BRD3: variants seen among roughly 807,000 people sequenced by gnomAD.
The protein encoded by BRD3 is bromodomain-containing protein 3.
In BRD3, 17 loss-of-function variants were observed where a neutral mutation model predicts 66.8. The ratio of observed to expected loss-of-function variants is 0.25; its 90% CI spans 0.17 to 0.38. The LOEUF (loss-of-function observed/expected upper bound fraction) is 0.38. BRD3 is among the 10% of genes least tolerant of loss of function. BRD3 has a pLI of 1.00. For synonymous variants in BRD3, 421 were observed against 393.2 expected (o/e 1.07, Z -0.84); for missense variants, 713 against 956.1 (o/e 0.75, Z 3.35).
intron 8 of BRD3, 89 bp from the exon 9 acceptor site, chr9:134,040,358 G>A (rs1315136481): frequency 6.9e-7 from 1 of 1,443,018 alleles, no homozygotes; most frequent in Admixed American, 2.1e-5. Flanking sequence ...GGGGCTTGGG[G>A]CGATGTCGGA....
rs34389248 is a variant in BRD3 at position 134,033,303 on chromosome 9, G to A, written c.*287C>T. 3.7e-5 allele frequency: 16 copies of A among 428,036 alleles called. No homozygotes were observed. The highest frequency in any genetic ancestry group is 6.2e-5 in the Non-Finnish European group (15 of 243,284). 26.5% of individuals were successfully genotyped at this position (428,036 alleles called of 1,614,324 possible). A position where few individuals can be genotyped will look rare whatever the true frequency, so the allele number is the denominator to read the frequency against. On this transcript the variant is annotated 3_prime_UTR_variant, in exon 12 of 12. Coordinates refer to ENST00000303407, the MANE Select transcript of BRD3 (RefSeq NM_007371.4). This position sits in a 1 kb window ranked among gnomAD's most constrained non-coding sequence, Gnocchi z 5.1. ...AGGTTCTTCGGTACGAATCTCACACGGTTTTCTGGGGTCATCGGGTTAGCA... is the reference window on the plus strand; with the variant it reads ...AGGTTCTTCGGTACGAATCTCACACAGTTTTCTGGGGTCATCGGGTTAGCA...
Position 134,032,748 on chromosome 9 carries a change from G to GGCA in BRD3, c.*839_*841dup, listed in dbSNP as rs1182194821. The GGCA allele has an allele frequency of 4.1e-6, 1 of 242,078 alleles. No individual in the cohort carries two copies. Among genetic ancestry groups the GGCA allele is most frequent in the Non-Finnish European group, 8.0e-6 (1 of 124,920 alleles). The allele number at this position is 242,078 out of a possible 1,614,324, so 15.0% of individuals were successfully genotyped here. A position where few individuals can be genotyped will look rare whatever the true frequency, so the allele number is the denominator to read the frequency against. Reference sequence around the variant, plus strand: ...GGGAAGTGGTTCCCAAGGGTGGCGCGGCAGCAGCAGCAGGGGCAGCGCTAG... The same window carrying GGCA: ...GGGAAGTGGTTCCCAAGGGTGGCGCGGCAGCAGCAGCAGCAGGGGCAGCGCTAG... On this transcript the variant is annotated 3_prime_UTR_variant, in exon 12 of 12. Transcript: ENST00000303407.
At chr9:134,063,299 C>T (rs763009799) in intron 1 of BRD3, among the ~76,000 whole-genome samples, 1 of 152,122 alleles carries the variant, frequency 6.6e-6, no homozygotes, top group Non-Finnish European at 1.5e-5. Flanking sequence ...GCCCACGGAG[C>T]CACCGTGCTT....
intron 1 of BRD3, among the ~76,000 whole-genome samples, chr9:134,067,518 T>C (rs1830690683): frequency 1.4e-5 from 2 of 147,438 alleles, no homozygotes; most frequent in South Asian, 2.1e-4. Context: ...CCTCCCTGGG[T>C]TCCCCCTTCG....
At chr9:134,049,389 C>G (rs574401741) in intron 5 of BRD3, among the ~76,000 whole-genome samples, 1 of 152,218 alleles carries the variant, frequency 6.6e-6, no homozygotes, top group Non-Finnish European at 1.5e-5. Flanking sequence ...CGGCACCTGC[C>G]GTCTAGAGAG....
intron 1 of BRD3, 189 bp from the exon 2 acceptor site, chr9:134,053,779 C>A: frequency 2.3e-6 from 1 of 433,696 alleles, no homozygotes. Flanking sequence ...GCGCGACCAG[C>A]TCAGAACGAC....
At chr9:134,039,298 A>G (rs1214130144) in intron 9 of BRD3, among the ~76,000 whole-genome samples, 1 of 152,264 alleles carries the variant, frequency 6.6e-6, no homozygotes, top group Non-Finnish European at 1.5e-5. Flanking sequence ...GAACACCTCA[A>G]ACAAAGCCGG....
At chr9:134,043,134 C>A (rs114347483) in intron 7 of BRD3, among the ~76,000 whole-genome samples, 1 of 151,990 alleles carries the variant, frequency 6.6e-6, no homozygotes, top group Non-Finnish European at 1.5e-5. Flanking sequence ...CCACCACGCC[C>A]GGCCTACTTT....
Position 134,047,940 on chromosome 9 carries a change from C to T in BRD3, c.1086+143G>A, listed in dbSNP as rs562651988. 8 of 1,197,472 alleles carry T rather than the reference C, an allele frequency of 6.7e-6. No individual in the cohort carries two copies. In the East Asian group the frequency reaches 8.4e-5, roughly 13 times the overall value. The allele number at this position is 1,197,472 out of a possible 1,614,324, so 74.2% of individuals were successfully genotyped here. A position where few individuals can be genotyped will look rare whatever the true frequency, so the allele number is the denominator to read the frequency against. ...GCCTTGCCAGCCACAGCCGGCGCTG[C>T]GGGGGCCAGCCTGGAGGGTGCGCTT... On this transcript the variant is annotated intron_variant, in intron 6 of 11. Coordinates refer to ENST00000303407, the MANE Select transcript of BRD3 (RefSeq NM_007371.4).
Position 134,031,543 on chromosome 9 carries a change from AT to A in BRD3, c.*2046del, listed in dbSNP as rs1433571053. 4.9e-6 allele frequency: 1 copy of A among 202,266 alleles called. No individual in the cohort carries two copies. The highest frequency in any genetic ancestry group is 2.3e-5 in the African/African-American group (1 of 43,536). The allele number at this position is 202,266 out of a possible 1,614,324, so 12.5% of individuals were successfully genotyped here. On this transcript the variant is annotated 3_prime_UTR_variant, in exon 12 of 12. Transcript: ENST00000303407. ...AATGGAAACTTTCAAATCCATTTAT[AT>A]TTTTATTATAAACAAAACTTAATTA... is the stretch of plus-strand genomic sequence containing the variant.
chr9:134,054,000 A>C, intron 1 of BRD3: 1 of 167,938 alleles, frequency 6.0e-6, no homozygotes, highest in East Asian at 1.7e-4. Context: ...GGCCACAACA[A>C]TGTACTGAAG....
In BRD3 at chr9:134,053,178, G is replaced by A. The variant is rs73560524; in HGVS notation, c.213+87C>T. 2,628 of 1,442,918 alleles carry A rather than the reference G, an allele frequency of 1.8e-3. 46 individuals carry two copies. In the African/African-American group the frequency reaches 0.03, roughly 17 times the overall value. 89.4% of individuals were successfully genotyped at this position (1,442,918 alleles called of 1,614,324 possible). On this transcript the variant is annotated intron_variant, in intron 2 of 11. Coordinates refer to ENST00000303407, the MANE Select transcript of BRD3 (RefSeq NM_007371.4). ...TAGCAGCAAATTCCCAAGGCCAGAG[G>A]CAGTCTTTCCAGGATGGGGGCAGCA...
rs949199757 is a variant in BRD3, at chr9:134,031,407, G to C, written c.*2183C>G. 5 of 208,578 alleles carry C rather than the reference G, an allele frequency of 2.4e-5. No homozygotes were observed. Among genetic ancestry groups the C allele is most frequent in the Non-Finnish European group, 3.9e-5 (4 of 102,538 alleles). The allele number at this position is 208,578 out of a possible 1,614,324, so 12.9% of individuals were successfully genotyped here. A position where few individuals can be genotyped will look rare whatever the true frequency, so the allele number is the denominator to read the frequency against. On this transcript the variant is annotated 3_prime_UTR_variant, in exon 12 of 12. Transcript: ENST00000303407. ...TGTGCTGGCAGCACGTTACCAACCA[G>C]CCTGCGTGAAGACCTGTCAACTGTC...
intron 1 of BRD3, among the ~76,000 whole-genome samples, chr9:134,064,595 T>C (rs1830608680): frequency 6.6e-6 from 1 of 152,136 alleles, no homozygotes; most frequent in Admixed American, 6.5e-5. Context: ...GCATGGTGGC[T>C]CACGCTTGTA....
chr9:134,063,528 A>G (rs922308115), intron 1 of BRD3, among the ~76,000 whole-genome samples: 1 of 152,156 alleles, frequency 6.6e-6, no homozygotes, highest in African/African-American at 2.4e-5. Context: ...CTTATAGTAG[A>G]TTCTTCCTTC....
chr9:134,034,205 G>A (rs569814995), intron 11 of BRD3, among the ~76,000 whole-genome samples: 14 of 152,340 alleles, frequency 9.2e-5, no homozygotes, highest in Non-Finnish European at 1.9e-4. Context: ...TGGAAGCCAG[G>A]AAAAGAGATG....
At chr9:134,051,871 GTGTGTGTTGTTTTTTTTGTTTTTT>G (rs1564555780) in intron 3 of BRD3, among the ~76,000 whole-genome samples, 162 bp from the exon 4 acceptor site, 22 of 110,496 alleles carry the variant, frequency 2.0e-4, no homozygotes, top group African/African-American at 9.0e-4. Context: ...GTGTGTGTGT[GTGTGTGTTGTTTTTTTTGTTTTTT>G]TTTTTTTTTT....
intron 9 of BRD3, chr9:134,036,620 A>G: frequency 1.3e-6 from 2 of 1,519,392 alleles, no homozygotes; most frequent in Non-Finnish European, 1.8e-6. Flanking sequence ...AAAGAAGGCA[A>G]AAAAGGGGGA....
At chr9:134,062,336 C>T (rs552520362) in intron 1 of BRD3, among the ~76,000 whole-genome samples, 1 of 152,298 alleles carries the variant, frequency 6.6e-6, no homozygotes, top group South Asian at 2.1e-4. Flanking sequence ...TGGGGCTATC[C>T]TGGGGCATGG....
Sources: gnomAD v4.1 joint callset for allele counts (sites outside exome capture counted in the v4.1 genomes callset) on GRCh38, gnomAD v4.1.1 for gene constraint, Gnocchi (gnomAD v3.1) non-coding constraint, MANE v1.5 for transcripts, NCBI Gene and HGNC (gene_info 2026-07-23, HGNC 2026-07-21) for gene names.